Variants in SLC35F3 observed in about 807,000 individuals in gnomAD.
SLC35F3 encodes solute carrier family 35 member F3.
A neutral mutation model predicts 49.9 loss-of-function variants in SLC35F3; 25 were observed. That is an observed-to-expected ratio of 0.50 (90% CI 0.37 to 0.70). The LOEUF (loss-of-function observed/expected upper bound fraction) is 0.70. Among genes scored for constraint, SLC35F3 ranks in the 30% least tolerant of loss-of-function variants. The probability of loss-of-function intolerance (pLI) is 0.00; values close to 1 mark genes in which losing one functional copy is unlikely to be tolerated. For missense variants in SLC35F3, 525 were observed against 639.8 expected (o/e 0.82, Z 1.94); for synonymous variants, 275 against 265.4 (o/e 1.04, Z -0.35).
At chr1:234,310,713 A>C (rs1288768047) in intron 4 of SLC35F3, among the ~76,000 whole-genome samples, 4 of 152,212 alleles carry the variant, frequency 2.6e-5, no homozygotes, top group Non-Finnish European at 5.9e-5. Flanking sequence ...GGCATGACTC[A>C]GATGTCCCTA....
At chr1:234,080,500 A>C (rs1158310594) in intron 2 of SLC35F3, among the ~76,000 whole-genome samples, 2 of 152,160 alleles carry the variant, frequency 1.3e-5, no homozygotes, top group Non-Finnish European at 2.9e-5. Flanking sequence ...TGATGAATGA[A>C]TAAACAAATT....
chr1:234,227,645 A>C (rs510560), intron 2 of SLC35F3, among the ~76,000 whole-genome samples: 1 of 151,660 alleles, frequency 6.6e-6, no homozygotes, highest in Non-Finnish European at 1.5e-5. Flanking sequence ...TGATCCGCCC[A>C]CCTCGGCCTC....
intron 2 of SLC35F3, among the ~76,000 whole-genome samples, chr1:234,227,771 TG>T (rs1667311031): frequency 6.6e-6 from 1 of 151,816 alleles, no homozygotes; most frequent in South Asian, 2.1e-4. Context: ...ATTTTGGAGG[TG>T]GGGGGCAGAA....
chr1:234,194,688 G>C (rs753553122), intron 2 of SLC35F3, among the ~76,000 whole-genome samples: 2 of 152,118 alleles, frequency 1.3e-5, no homozygotes, highest in Non-Finnish European at 2.9e-5. Flanking sequence ...TAAAGGCTTA[G>C]AAACATATGT....
At chr1:234,179,014 G>A (rs116008308) in intron 2 of SLC35F3, among the ~76,000 whole-genome samples, 5 of 152,216 alleles carry the variant, frequency 3.3e-5, no homozygotes, top group Non-Finnish European at 7.4e-5. Flanking sequence ...AATGAACATG[G>A]AAACGTGCAC....
At position 234,214,152 on chromosome 1, in the gene SLC35F3, C is replaced by T; in HGVS notation, c.284-17265C>T. ...GGATGAGGGCTGCGGGGCTGGGCGT[C>T]CCGGGGAGGAGGGCGGAGCAGGTGA... On this transcript the variant is annotated intron_variant, in intron 2 of 7. Coordinates refer to ENST00000366618, the MANE Select transcript of SLC35F3 (RefSeq NM_173508.4). This position sits in a 1 kb window ranked among gnomAD's most constrained non-coding sequence, Gnocchi z 8.0. 5 of 1,060,440 alleles carry T rather than the reference C, an allele frequency of 4.7e-6. No individual in the cohort carries two copies. The highest frequency in any genetic ancestry group is 5.7e-6 in the Non-Finnish European group (5 of 879,468). 65.7% of individuals were successfully genotyped at this position (1,060,440 alleles called of 1,614,324 possible).
At chr1:234,253,775 A>C (rs966136978) in intron 3 of SLC35F3, among the ~76,000 whole-genome samples, 2 of 152,214 alleles carry the variant, frequency 1.3e-5, no homozygotes, top group African/African-American at 4.8e-5. Context: ...GCTGAATGCC[A>C]AATAAGGTCA....
At chr1:234,200,513 G>C (rs1006830482) in intron 2 of SLC35F3, among the ~76,000 whole-genome samples, 6 of 152,160 alleles carry the variant, frequency 3.9e-5, no homozygotes, top group African/African-American at 1.4e-4. Flanking sequence ...AGCCTTACCA[G>C]ATGCCCTAAT....
intron 2 of SLC35F3, among the ~76,000 whole-genome samples, chr1:234,096,885 C>CTTTTTTT (rs34404610): frequency 7.6e-6 from 1 of 132,106 alleles, no homozygotes; most frequent in Non-Finnish European, 1.6e-5. Context: ...TTGTTAAATT[C>CTTTTTTT]TTTTTTTTTT....
intron 2 of SLC35F3, among the ~76,000 whole-genome samples, chr1:234,145,991 T>G (rs755208742): frequency 1.3e-5 from 2 of 152,216 alleles, no homozygotes; most frequent in Non-Finnish European, 1.5e-5. Flanking sequence ...CTTTTAACTT[T>G]CAACCTTTTT....
intron 3 of SLC35F3, among the ~76,000 whole-genome samples, chr1:234,238,833 T>G (rs1383135619): frequency 6.6e-6 from 1 of 152,230 alleles, no homozygotes; most frequent in Non-Finnish European, 1.5e-5. Context: ...AGATTGCTAT[T>G]CATCTTTGAA....
At chr1:233,975,790 G>C (rs1312808487) in intron 2 of SLC35F3, among the ~76,000 whole-genome samples, 5 of 152,216 alleles carry the variant, frequency 3.3e-5, no homozygotes, top group Non-Finnish European at 7.3e-5. Flanking sequence ...CACATGTGCA[G>C]CTCGGAGGTG....
At chr1:233,958,565 A>C (rs1181275469) in intron 2 of SLC35F3, among the ~76,000 whole-genome samples, 4 of 152,348 alleles carry the variant, frequency 2.6e-5, no homozygotes, top group East Asian at 3.9e-4. Flanking sequence ...CCAACTAAGA[A>C]ATTTTATGAA....
intron 2 of SLC35F3, among the ~76,000 whole-genome samples, chr1:234,228,728 G>C (rs550993489): frequency 7.2e-5 from 11 of 152,262 alleles, no homozygotes; most frequent in African/African-American, 2.6e-4. Context: ...TCTGCTGAGA[G>C]GGGTGTGTGT....
chr1:234,253,468 A>AT (rs397686518), intron 3 of SLC35F3, among the ~76,000 whole-genome samples: 1 of 151,372 alleles, frequency 6.6e-6, no homozygotes, highest in Non-Finnish European at 1.5e-5. Context: ...AAAAAAAAAA[A>AT]GGAGAATAGA....
rs114253988 is a variant in SLC35F3, at chr1:233,949,604, T to C, written c.283+43846T>C. On this transcript the variant is annotated intron_variant, in intron 2 of 7. Coordinates refer to ENST00000366618, the MANE Select transcript of SLC35F3 (RefSeq NM_173508.4). ...AGTGAGAATTTCCCCAGGACCATGC[T>C]GTTTACAGAGCACTTGAGAAGCGTG... Among the ~76,000 whole-genome samples the C allele has an allele frequency of 3.1e-3, 473 of 152,282 alleles. 3 individuals carry two copies. The highest frequency in any genetic ancestry group is 0.011 in the African/African-American group (462 of 41,556).
chr1:234,075,037 A>C (rs1664773202), intron 2 of SLC35F3, among the ~76,000 whole-genome samples: 1 of 152,204 alleles, frequency 6.6e-6, no homozygotes, highest in African/African-American at 2.4e-5. Context: ...TCAAGGAGAA[A>C]ATAAAGAACT....
intron 2 of SLC35F3, among the ~76,000 whole-genome samples, chr1:234,198,765 G>A (rs866773583): frequency 1.2e-4 from 19 of 152,264 alleles, no homozygotes; most frequent in African/African-American, 4.3e-4. Flanking sequence ...TGGTGAGAAT[G>A]TAAAGAATCT....
chr1:234,184,073 A>G (rs1379946), intron 2 of SLC35F3, among the ~76,000 whole-genome samples: 1 of 151,908 alleles, frequency 6.6e-6, no homozygotes, highest in Non-Finnish European at 1.5e-5. Context: ...GAAAATATGT[A>G]TAGCTGTTTT....
Sources: allele counts gnomAD v4.1 joint callset (sites outside exome capture counted in the v4.1 genomes callset), GRCh38; gene constraint gnomAD v4.1.1; non-coding constraint Gnocchi (gnomAD v3.1); transcripts MANE v1.5; gene names NCBI Gene and HGNC (gene_info 2026-07-23, HGNC 2026-07-21).